The following PARPBP variants were observed in gnomAD, a reference collection of about 807,000 sequenced individuals.
PARPBP encodes the protein PCNA-interacting partner.
Under a neutral mutation model 50.0 loss-of-function variants are expected in PARPBP, and 52 were observed. The observed-to-expected ratio is 1.04, with a 90% CI of 0.83 to 1.31. The LOEUF (loss-of-function observed/expected upper bound fraction) is 1.31, where lower values mean the gene tolerates loss of function less well. PARPBP is among the 50% of genes most tolerant of loss of function. PARPBP has a pLI of 0.00. For synonymous variants in PARPBP, 244 were observed against 232.1 expected (o/e 1.05, Z -0.47); for missense variants, 697 against 672.0 (o/e 1.04, Z -0.41).
chr12:102,184,705 A>G (rs555998618), intron 9 of PARPBP, among the ~76,000 whole-genome samples: 9 of 152,208 alleles, frequency 5.9e-5, no homozygotes, highest in Non-Finnish European at 1.3e-4. Context: ...AAAGGAAAGC[A>G]TTGCTTATGT....
Position 102,142,630 on chromosome 12 carries a change from A to G in PARPBP, c.154-5600A>G, listed in dbSNP as rs747668490. ...TCTCCCCATCTTTGTGGTTTTATCT[A>G]CCTTTGGTCTTTGATGAAGGTGACG... On this transcript the variant is annotated intron_variant, in intron 2 of 10. Transcript: ENST00000327680. Among the ~76,000 whole-genome samples, 5 of 152,096 alleles carry G rather than the reference A, an allele frequency of 3.3e-5. No homozygotes were observed. In the South Asian group the frequency reaches 8.3e-4, roughly 25 times the overall value.
At chr12:102,194,753 G>A (rs1448304356) in intron 9 of PARPBP, among the ~76,000 whole-genome samples, 5 of 151,668 alleles carry the variant, frequency 3.3e-5, no homozygotes, top group African/African-American at 1.2e-4. Context: ...CTAAATACTC[G>A]AGAAATAATG....
intron 2 of PARPBP, among the ~76,000 whole-genome samples, chr12:102,138,277 G>C (rs190126077): frequency 1.3e-5 from 2 of 152,246 alleles, no homozygotes; most frequent in East Asian, 3.9e-4. Context: ...ATTTTTTCTT[G>C]TGTCTTTTGG....
intron 7 of PARPBP, among the ~76,000 whole-genome samples, chr12:102,176,115 T>C (rs1889251799): frequency 6.6e-6 from 1 of 152,194 alleles, no homozygotes; most frequent in South Asian, 2.1e-4. Context: ...CCCGAGTAGC[T>C]GGAATTACAG....
At chr12:102,195,547 A>C in intron 10 of PARPBP, 100 bp downstream of exon 10, 1 of 864,240 alleles carries the variant, frequency 1.2e-6, no homozygotes, top group South Asian at 1.6e-5. Context: ...AAGTACTATG[A>C]AATGTAAAGG....
At chr12:102,162,551 T>C (rs968714271) in intron 4 of PARPBP, among the ~76,000 whole-genome samples, 1 of 152,224 alleles carries the variant, frequency 6.6e-6, no homozygotes, top group Non-Finnish European at 1.5e-5. Context: ...CTGCTCATGG[T>C]GGCTCACACC....
intron 6 of PARPBP, 84 bp downstream of exon 6, chr12:102,165,967 A>G: frequency 1.1e-6 from 1 of 883,540 alleles, no homozygotes; most frequent in African/African-American, 1.7e-5. Flanking sequence ...GGGATATTGA[A>G]ATGACCAAGC....
intron 6 of PARPBP, among the ~76,000 whole-genome samples, chr12:102,166,915 G>C (rs1888195974): frequency 6.6e-6 from 1 of 152,122 alleles, no homozygotes; most frequent in South Asian, 2.1e-4. Context: ...TGAACTTCCA[G>C]ATAATATATT....
chr12:102,178,268 T>A (rs1234965628), intron 7 of PARPBP, among the ~76,000 whole-genome samples: 3 of 152,048 alleles, frequency 2.0e-5, no homozygotes, highest in Non-Finnish European at 4.4e-5. Flanking sequence ...AGAGAAAAAA[T>A]AAATAGAGAT....
chr12:102,165,766 GGAAAGGA>G lies in PARPBP; in HGVS notation c.705_711del (p.Lys236MetfsTer9), dbSNP rs1888077605. 1 of 1,608,596 alleles carries G rather than the reference GGAAAGGA, an allele frequency of 6.2e-7. No individual in the cohort carries two copies. The highest frequency in any genetic ancestry group is 2.2e-5 in the East Asian group (1 of 44,798). On this transcript the variant is annotated frameshift_variant, in exon 6 of 11. Coordinates refer to ENST00000327680, the MANE Select transcript of PARPBP (RefSeq NM_017915.5). LOFTEE classifies it high-confidence loss of function. ...TTTATTAGAACAATAGAGCTTGGAG[GGAAAGGA>G]TATGCACCACCACCATCAGATCCTT...
In PARPBP at chr12:102,159,153, C is replaced by T. The variant is rs116839321; in HGVS notation, c.495+5177C>T. Among the ~76,000 whole-genome samples the T allele has an allele frequency of 7.1e-3, 1,082 of 152,196 alleles. 15 individuals are homozygous for T. Among genetic ancestry groups the T allele is most frequent in the African/African-American group, 0.025 (1,022 of 41,516 alleles). On this transcript the variant is annotated intron_variant, in intron 4 of 10. Coordinates refer to ENST00000327680, the MANE Select transcript of PARPBP (RefSeq NM_017915.5). Reference sequence around the variant, plus strand: ...TGTATTTCTTTTTTCCCCTCTGAGACGGAGTTTCACTCTGTCACCCAGGCT... The same window carrying T: ...TGTATTTCTTTTTTCCCCTCTGAGATGGAGTTTCACTCTGTCACCCAGGCT...
At chr12:102,173,654 T>C (rs1263732738) in intron 6 of PARPBP, among the ~76,000 whole-genome samples, 3 of 151,956 alleles carry the variant, frequency 2.0e-5, no homozygotes, top group Non-Finnish European at 4.4e-5. Context: ...GTAAAAACCA[T>C]GCTAGCTTAT....
chr12:102,140,724 C>A lies in PARPBP; in HGVS notation c.154-7506C>A, dbSNP rs149409744. Reference sequence around the variant, plus strand: ...GTTTCAAAGAACATCTTTATTTCTGCCTTCATTTTGTTATGTACCAGTAGT... The same window carrying A: ...GTTTCAAAGAACATCTTTATTTCTGACTTCATTTTGTTATGTACCAGTAGT... On this transcript the variant is annotated intron_variant, in intron 2 of 10. Coordinates refer to ENST00000327680, the MANE Select transcript of PARPBP (RefSeq NM_017915.5). 1.3e-3 allele frequency among the ~76,000 whole-genome samples: 200 copies of A among 152,284 alleles called. 3 individuals are homozygous for A. The highest frequency in any genetic ancestry group is 4.5e-3 in the African/African-American group (187 of 41,548).
In PARPBP at chr12:102,176,923, A is replaced by G. The variant is rs74697193; in HGVS notation, c.1005+1257A>G. 6.9e-3 allele frequency among the ~76,000 whole-genome samples: 1,058 copies of G among 152,336 alleles called. 4 individuals carry two copies. The highest frequency in any genetic ancestry group is 0.011 in the Non-Finnish European group (732 of 68,034). On this transcript the variant is annotated intron_variant, in intron 7 of 10. Transcript: ENST00000327680. Reference sequence around the variant, plus strand: ...CTCAAATGACAACCAGGTTATTACTATAAGTATCAATCAGAATCTGTCAAC... The same window carrying G: ...CTCAAATGACAACCAGGTTATTACTGTAAGTATCAATCAGAATCTGTCAAC...
intron 4 of PARPBP, among the ~76,000 whole-genome samples, chr12:102,157,547 A>T (rs1361389047): frequency 1.3e-5 from 2 of 152,122 alleles, no homozygotes; most frequent in South Asian, 4.2e-4. Flanking sequence ...TGATATCTGA[A>T]ATCTTGCTTA....
chr12:102,128,574 G>A (rs538742886), intron 2 of PARPBP, among the ~76,000 whole-genome samples: 14 of 152,258 alleles, frequency 9.2e-5, no homozygotes, highest in African/African-American at 2.9e-4. Flanking sequence ...GTGAGATTAT[G>A]TGGTGTTTGT....
intron 2 of PARPBP, 69 bp downstream of exon 2, chr12:102,124,110 A>G: frequency 9.6e-7 from 1 of 1,037,126 alleles, no homozygotes; most frequent in East Asian, 2.6e-5. Context: ...ATTTGAATAA[A>G]CTTAAGCTTA....
At chr12:102,137,084 A>G (rs1883752100) in intron 2 of PARPBP, among the ~76,000 whole-genome samples, 1 of 152,062 alleles carries the variant, frequency 6.6e-6, no homozygotes, top group African/African-American at 2.4e-5. Context: ...CCTCCTGAGT[A>G]GCTGGACTAC....
At chr12:102,185,195 C>T (rs1290144974) in intron 9 of PARPBP, among the ~76,000 whole-genome samples, 2 of 152,066 alleles carry the variant, frequency 1.3e-5, no homozygotes, top group African/African-American at 4.8e-5. Flanking sequence ...TGTAGTGTAT[C>T]AGGAATCTTG....
Sources: gnomAD v4.1 joint callset for allele counts (sites outside exome capture counted in the v4.1 genomes callset) on GRCh38, gnomAD v4.1.1 for gene constraint, MANE v1.5 for transcripts, NCBI Gene and HGNC (gene_info 2026-07-23, HGNC 2026-07-21) for gene names.